ZNF804B: variants seen among roughly 807,000 people sequenced by gnomAD.
ZNF804B encodes zinc finger 804B.
ZNF804B carries 80 observed loss-of-function variants against 101.4 expected under a neutral mutation model. The ratio of observed to expected loss-of-function variants is 0.79; its 90% CI spans 0.66 to 0.95. The LOEUF (loss-of-function observed/expected upper bound fraction) is 0.95. ZNF804B is among the 40% of genes least tolerant of loss of function. The probability of loss-of-function intolerance (pLI) is 0.00; values close to 1 mark genes in which losing one functional copy is unlikely to be tolerated. For missense variants in ZNF804B, 1,673 were observed against 1,561.9 expected (o/e 1.07, Z -1.20); for synonymous variants, 622 against 558.8 (o/e 1.11, Z -1.59).
intron 2 of ZNF804B, among the ~76,000 whole-genome samples, chr7:89,312,160 T>G (rs1790657507): frequency 6.6e-6 from 1 of 152,046 alleles, no homozygotes; most frequent in African/African-American, 2.4e-5. Flanking sequence ...CCACTCTGAG[T>G]TATAAAGAAT....
At chr7:89,161,830 G>A (rs1445579720) in intron 1 of ZNF804B, among the ~76,000 whole-genome samples, 3 of 152,070 alleles carry the variant, frequency 2.0e-5, no homozygotes, top group Non-Finnish European at 4.4e-5. Flanking sequence ...TTTGTTATTT[G>A]TAATACTTTT....
intron 3 of ZNF804B, among the ~76,000 whole-genome samples, chr7:89,328,626 T>C (rs1790931303): frequency 6.6e-6 from 1 of 151,762 alleles, no homozygotes; most frequent in Non-Finnish European, 1.5e-5. Context: ...CTTGCCAAAA[T>C]AGGGCTTAGA....
chr7:88,998,146 C>A (rs1453428862), intron 1 of ZNF804B, among the ~76,000 whole-genome samples: 1 of 152,034 alleles, frequency 6.6e-6, no homozygotes, highest in African/African-American at 2.4e-5. Context: ...TCCCTGCTGT[C>A]TCCTGTCTTT....
Position 89,334,786 on chromosome 7 carries a change from C to G in ZNF804B, c.1804C>G (p.Leu602Val), listed in dbSNP as rs990283613. ...AGKNNSSENK[L>V]KEASRAHWQG... ...AAAGAATAATAGTAGTGAGAACAAA[C>G]TTAAGGAAGCTTCAAGGGCCCATTG... is the stretch of plus-strand genomic sequence containing the variant. The change falls in exon 4 of 4, where the codon CTT becomes GTT. Residue 602 changes from leucine (L) to valine (V), a missense_variant. Physicochemically the swap from Leu to Val is conservative, Grantham distance 32. Coordinates refer to ENST00000333190, the MANE Select transcript of ZNF804B (RefSeq NM_181646.5). The G allele has an allele frequency of 6.2e-7, 1 of 1,613,798 alleles. No homozygotes were observed. Among genetic ancestry groups the G allele is most frequent in the East Asian group, 2.2e-5 (1 of 44,872 alleles).
chr7:88,925,377 T>C (rs1792781053), intron 1 of ZNF804B, among the ~76,000 whole-genome samples: 1 of 152,160 alleles, frequency 6.6e-6, no homozygotes, highest in African/African-American at 2.4e-5. Flanking sequence ...GTAACCATTT[T>C]GAAGATAAGA....
At chr7:88,792,319 T>G (rs1790393795) in intron 1 of ZNF804B, among the ~76,000 whole-genome samples, 2 of 152,078 alleles carry the variant, frequency 1.3e-5, no homozygotes, top group Non-Finnish European at 2.9e-5. Flanking sequence ...GAAAATACAA[T>G]ATGCCATATT....
intron 1 of ZNF804B, chr7:88,794,495 C>G: frequency 6.2e-7 from 1 of 1,613,884 alleles, no homozygotes; most frequent in Non-Finnish European, 8.5e-7. Flanking sequence ...ACTTTTATCA[C>G]TGAAACATGC....
Position 88,762,884 on chromosome 7 carries a change from T to C in ZNF804B, c.108+2800T>C, listed in dbSNP as rs535561625. Among the ~76,000 whole-genome samples, 7 of 152,288 alleles carry C rather than the reference T, an allele frequency of 4.6e-5. No homozygotes were observed. The South Asian group carries it at 1.5e-3, about 32-fold the overall frequency. On this transcript the variant is annotated intron_variant, in intron 1 of 3. Transcript: ENST00000333190. ...TTGGTCTTTGCCCTTTTTATCCAAG[T>C]GTCTCTCCTATTACTTTTGCTCCAC...
intron 1 of ZNF804B, among the ~76,000 whole-genome samples, chr7:88,970,522 C>T (rs569306229): frequency 1.1e-4 from 17 of 151,400 alleles, no homozygotes; most frequent in African/African-American, 3.4e-4. Flanking sequence ...TTTTCTTTTG[C>T]AAAATCAAAG....
chr7:89,011,606 A>T (rs1406867316), intron 1 of ZNF804B, among the ~76,000 whole-genome samples: 1 of 152,122 alleles, frequency 6.6e-6, no homozygotes, highest in East Asian at 1.9e-4. Flanking sequence ...AGGGCTACAG[A>T]TTCCATGCAA....
intron 1 of ZNF804B, among the ~76,000 whole-genome samples, chr7:89,093,523 T>C (rs1205225631): frequency 2.0e-5 from 3 of 152,244 alleles, no homozygotes; most frequent in Non-Finnish European, 4.4e-5. Context: ...TATCAACAAA[T>C]GTAAAGTTTC....
intron 1 of ZNF804B, among the ~76,000 whole-genome samples, chr7:89,114,213 C>G (rs1790274256): frequency 6.6e-6 from 1 of 152,148 alleles, no homozygotes; most frequent in African/African-American, 2.4e-5. Flanking sequence ...AAATGTTAAT[C>G]AAAATATTTC....
At chr7:89,157,689 A>G (rs1429271676) in intron 1 of ZNF804B, among the ~76,000 whole-genome samples, 1 of 152,152 alleles carries the variant, frequency 6.6e-6, no homozygotes, top group Non-Finnish European at 1.5e-5. Context: ...ATCTGTAAGT[A>G]CACATCCAAA....
intron 2 of ZNF804B, among the ~76,000 whole-genome samples, chr7:89,225,582 C>T (rs1263419689): frequency 6.6e-6 from 1 of 152,032 alleles, no homozygotes; most frequent in Non-Finnish European, 1.5e-5. Flanking sequence ...GACCATTTCA[C>T]TCTGTCCTAT....
intron 1 of ZNF804B, among the ~76,000 whole-genome samples, chr7:88,785,587 A>G (rs754095175): frequency 6.6e-6 from 1 of 152,062 alleles, no homozygotes; most frequent in Non-Finnish European, 1.5e-5. Context: ...AGGTCATGAT[A>G]CTTCTTTATT....
In ZNF804B at chr7:89,316,499, T is replaced by C. The variant is rs141619294; in HGVS notation, c.250-10845T>C. Among the ~76,000 whole-genome samples the C allele has an allele frequency of 2.8e-3, 431 of 151,706 alleles. 3 individuals carry two copies. The highest frequency in any genetic ancestry group is 0.01 in the African/African-American group (414 of 41,340). ...GCAAGTACACACTTTTTTGGGGAGA[T>C]TGCAAAAATAAAGGGAAAAGCCACA... On this transcript the variant is annotated intron_variant, in intron 2 of 3. Transcript: ENST00000333190.
At chr7:89,005,333 A>C (rs376809573) in intron 1 of ZNF804B, among the ~76,000 whole-genome samples, 2 of 152,032 alleles carry the variant, frequency 1.3e-5, no homozygotes, top group South Asian at 4.1e-4. Context: ...ATCACAGAGA[A>C]CATCACAGAT....
intron 1 of ZNF804B, among the ~76,000 whole-genome samples, chr7:89,112,144 A>G (rs1011375539): frequency 4.0e-5 from 6 of 150,280 alleles, no homozygotes; most frequent in African/African-American, 1.5e-4. Context: ...CAACACTTTT[A>G]TGTCATATAC....
At chr7:88,903,444 A>G (rs1170861410) in intron 1 of ZNF804B, among the ~76,000 whole-genome samples, 7 of 152,140 alleles carry the variant, frequency 4.6e-5, no homozygotes, top group Admixed American at 3.9e-4. Flanking sequence ...TGGTGTAACA[A>G]TTTATTTTCC....
Sources: gnomAD v4.1 joint callset for allele counts (sites outside exome capture counted in the v4.1 genomes callset) on GRCh38, gnomAD v4.1.1 for gene constraint, MANE v1.5 for transcripts, NCBI Gene and HGNC (gene_info 2026-07-23, HGNC 2026-07-21) for gene names.